The following ATP8B4 variants were observed in gnomAD, a reference collection of about 807,000 sequenced individuals.
ATP8B4 encodes ATPase phospholipid transporting 8B4 (putative).
A neutral mutation model predicts 145.6 loss-of-function variants in ATP8B4; 133 were observed. The observed-to-expected ratio is 0.91, with a 90% CI of 0.79 to 1.05. The LOEUF (loss-of-function observed/expected upper bound fraction) is 1.05, where lower values mean the gene tolerates loss of function less well. Among genes scored for constraint, ATP8B4 ranks in the 50% least tolerant of loss-of-function variants. The pLI is 0.00. For synonymous variants in ATP8B4, 507 were observed against 492.9 expected (o/e 1.03, Z -0.38); for missense variants, 1,458 against 1,425.2 (o/e 1.02, Z -0.37).
chr15:50,009,552 CAA>C (rs758239846), intron 7 of ATP8B4: 50 of 371,770 alleles, frequency 1.3e-4, no homozygotes, highest in South Asian at 4.2e-4. Flanking sequence ...AAGAATGAAG[CAA>C]AGTCTCAGTT....
chr15:50,095,025 T>A (rs1467658081), intron 2 of ATP8B4, among the ~76,000 whole-genome samples: 1 of 152,076 alleles, frequency 6.6e-6, no homozygotes, highest in African/African-American at 2.4e-5. Context: ...TAGAAGCCAC[T>A]GGAGAAGCCA....
intron 25 of ATP8B4, among the ~76,000 whole-genome samples, chr15:49,872,523 C>A (rs1227753247): frequency 6.6e-6 from 1 of 152,130 alleles, no homozygotes; most frequent in Admixed American, 6.6e-5. Context: ...ATTAGCATCA[C>A]CTGTATAAAT....
At chr15:50,018,654 T>C (rs189690895) in intron 6 of ATP8B4, among the ~76,000 whole-genome samples, 12 of 152,332 alleles carry the variant, frequency 7.9e-5, no homozygotes, top group South Asian at 2.1e-4. Context: ...ACCAGAAAGA[T>C]TGTCTAATAA....
At chr15:49,954,754 G>A (rs1464925516) in intron 14 of ATP8B4, among the ~76,000 whole-genome samples, 1 of 152,128 alleles carries the variant, frequency 6.6e-6, no homozygotes, top group Non-Finnish European at 1.5e-5. Flanking sequence ...CCACTGTGGA[G>A]AGCCATTTGG....
chr15:49,922,749 C>T (rs1302658389), intron 17 of ATP8B4, among the ~76,000 whole-genome samples: 1 of 152,152 alleles, frequency 6.6e-6, no homozygotes, highest in African/African-American at 2.4e-5. Context: ...CATTCCCTTA[C>T]TTTTTGGCAT....
intron 2 of ATP8B4, among the ~76,000 whole-genome samples, chr15:50,105,584 T>C (rs1426476725): frequency 6.6e-6 from 1 of 152,180 alleles, no homozygotes; most frequent in African/African-American, 2.4e-5. Context: ...TGGGGATATA[T>C]ATTTGGATCG....
chr15:50,148,740 T>C (rs1318287284), intron 1 of ATP8B4, among the ~76,000 whole-genome samples: 1 of 152,212 alleles, frequency 6.6e-6, no homozygotes, highest in Non-Finnish European at 1.5e-5. Flanking sequence ...ACAGATATTA[T>C]TGAAGTAATT....
chr15:49,978,215 G>C (rs569322464), intron 12 of ATP8B4, among the ~76,000 whole-genome samples: 242 of 152,280 alleles, frequency 1.6e-3, no homozygotes, highest in South Asian at 3.3e-3. Flanking sequence ...TATTCATTTA[G>C]GACATAAAGG....
intron 1 of ATP8B4, among the ~76,000 whole-genome samples, chr15:50,175,898 C>T (rs146958984): frequency 0.014 from 2,145 of 152,158 alleles, 54 homozygotes; most frequent in African/African-American, 0.049. Flanking sequence ...TACTTGCACA[C>T]GCATGTTTAT....
chr15:50,136,436 C>T (rs1216711470), intron 1 of ATP8B4, among the ~76,000 whole-genome samples: 1 of 152,268 alleles, frequency 6.6e-6, no homozygotes, highest in East Asian at 1.9e-4. Context: ...AAAAGCCAGT[C>T]AGTTCACCAC....
intron 8 of ATP8B4, among the ~76,000 whole-genome samples, chr15:49,999,959 T>C (rs2047754910): frequency 3.3e-5 from 5 of 152,132 alleles, no homozygotes; most frequent in Admixed American, 3.3e-4. Flanking sequence ...GTATGTGACC[T>C]TTGGGATTGG....
Position 49,860,328 on chromosome 15 carries a change from G to T in ATP8B4, c.3445C>A (p.Arg1149=). The T allele has an allele frequency of 6.2e-7, 1 of 1,614,042 alleles. No individual in the cohort carries two copies. Among genetic ancestry groups the T allele is most frequent in the Non-Finnish European group, 8.5e-7 (1 of 1,179,988 alleles). ...GATGTTGGGGGTGGATTTTTAGCTC[G>T]CATATTTTTTCCAGATGTGATAAGC... The part of the protein sequence containing the change: ...GELITSGKNM[R]AKNPPPTSGL... Residue 1149 remains arginine, a synonymous_variant, in exon 28 of 28, where the codon CGA becomes AGA. Coordinates refer to ENST00000284509, the MANE Select transcript of ATP8B4 (RefSeq NM_024837.4).
At chr15:50,117,405 A>G (rs2057187373) in intron 1 of ATP8B4, among the ~76,000 whole-genome samples, 1 of 152,146 alleles carries the variant, frequency 6.6e-6, no homozygotes, top group Admixed American at 6.5e-5. Flanking sequence ...TTACTTTTAG[A>G]TGGTTAGTTA....
At chr15:49,903,752 G>C (rs12910240) in intron 20 of ATP8B4, among the ~76,000 whole-genome samples, 34,186 of 152,112 alleles carry the variant, frequency 0.22, 4,990 homozygotes, top group Non-Finnish European at 0.32. Flanking sequence ...AAATTAGCTA[G>C]GCTTGGTGGC....
intron 13 of ATP8B4, among the ~76,000 whole-genome samples, chr15:49,970,559 G>A (rs956284093): frequency 4.6e-5 from 7 of 151,956 alleles, no homozygotes; most frequent in African/African-American, 1.7e-4. Context: ...GAAATACAGC[G>A]AACAAGGAAT....
intron 1 of ATP8B4, among the ~76,000 whole-genome samples, chr15:50,161,687 G>T (rs1254572393): frequency 2.0e-5 from 3 of 151,190 alleles, no homozygotes; most frequent in African/African-American, 4.9e-5. Context: ...TTACCTTTTT[G>T]TTTTTTCTAT....
At chr15:49,971,121 C>A in intron 13 of ATP8B4, among the ~76,000 whole-genome samples, 1 of 152,142 alleles carries the variant, frequency 6.6e-6, no homozygotes, top group Non-Finnish European at 1.5e-5. Flanking sequence ...AAAATTAACT[C>A]AAGATGGACT....
At chr15:50,181,480 G>A (rs1024204526) in intron 1 of ATP8B4, among the ~76,000 whole-genome samples, 3 of 152,212 alleles carry the variant, frequency 2.0e-5, no homozygotes, top group African/African-American at 7.2e-5. Context: ...CTTTCAACAT[G>A]AGGGAACAGC....
chr15:49,996,706 G>A lies in ATP8B4; in HGVS notation c.560C>T (p.Ala187Val). 1 of 1,610,046 alleles carries A rather than the reference G, an allele frequency of 6.2e-7. No individual in the cohort carries two copies. The highest frequency in any genetic ancestry group is 8.5e-7 in the Non-Finnish European group (1 of 1,177,178). Residue 187 changes from alanine (A) to valine (V), a missense_variant, in exon 9 of 28, where the codon GCA becomes GTA. Transcript: ENST00000284509. ...HALSVTSELG[A>V]DISRLAGFDG... ...AAACCCTGCAAGTCTGCTGATATCTGCTCCAAGTTCTGAAGTAACTGATAG... is the reference window on the plus strand; with the variant it reads ...AAACCCTGCAAGTCTGCTGATATCTACTCCAAGTTCTGAAGTAACTGATAG...
Sources: allele counts gnomAD v4.1 joint callset (sites outside exome capture counted in the v4.1 genomes callset), GRCh38; gene constraint gnomAD v4.1.1; transcripts MANE v1.5; gene names NCBI Gene and HGNC (gene_info 2026-07-23, HGNC 2026-07-21).